ENOX1: variants seen among roughly 807,000 people sequenced by gnomAD.
ENOX1 encodes candidate growth-related and time keeping constitutive hydroquinone (NADH) oxidase.
In ENOX1, 42 loss-of-function variants were observed where a neutral mutation model predicts 82.5. The observed-to-expected ratio is 0.51, with a 90% CI of 0.40 to 0.66. The LOEUF (loss-of-function observed/expected upper bound fraction) is 0.66. Among genes scored for constraint, ENOX1 ranks in the 30% least tolerant of loss-of-function variants. The pLI, the probability that ENOX1 is intolerant of heterozygous loss-of-function variation, is 0.00. For synonymous variants in ENOX1, 271 were observed against 282.2 expected (o/e 0.96, Z 0.40); for missense variants, 608 against 811.6 (o/e 0.75, Z 3.05).
At chr13:43,766,085 G>T (rs995490869) in intron 1 of ENOX1, among the ~76,000 whole-genome samples, 1 of 152,042 alleles carries the variant, frequency 6.6e-6, no homozygotes, top group Non-Finnish European at 1.5e-5. Context: ...GCATTTTTCC[G>T]CTTGGACATG....
At chr13:43,715,832 A>T (rs1056055342) in intron 1 of ENOX1, among the ~76,000 whole-genome samples, 5 of 150,496 alleles carry the variant, frequency 3.3e-5, no homozygotes, top group Admixed American at 2.6e-4. Flanking sequence ...TCCTTTAAGG[A>T]CTTCTCTGCA....
At chr13:43,251,998 TG>T (rs2043485722) in intron 14 of ENOX1, among the ~76,000 whole-genome samples, 1 of 152,188 alleles carries the variant, frequency 6.6e-6, no homozygotes, top group Non-Finnish European at 1.5e-5. Flanking sequence ...ACACAGGTAC[TG>T]GGGCTTGATA....
At chr13:43,684,973 A>G (rs1335819006) in intron 1 of ENOX1, among the ~76,000 whole-genome samples, 2 of 152,194 alleles carry the variant, frequency 1.3e-5, no homozygotes, top group Non-Finnish European at 2.9e-5. Flanking sequence ...TAGTATTTAG[A>G]ATGTCTCTTT....
In ENOX1 at chr13:43,701,932, T is replaced by C. The variant is rs550010968; in HGVS notation, c.-284-34388A>G. On this transcript the variant is annotated intron_variant, in intron 1 of 16. Transcript: ENST00000690772. ...GGTGTAGTCCCTGTGTAGATTCTGA[T>C]AACCATCACTGTAATCAAGAAACAG... Among the ~76,000 whole-genome samples the C allele has an allele frequency of 8.5e-5, 13 of 152,254 alleles. No homozygotes were observed. In the East Asian group the frequency reaches 2.3e-3, roughly 27 times the overall value.
intron 5 of ENOX1, among the ~76,000 whole-genome samples, chr13:43,376,905 C>T (rs759262967): frequency 6.6e-6 from 1 of 152,194 alleles, no homozygotes; most frequent in Non-Finnish European, 1.5e-5. Flanking sequence ...CACCCCTCCA[C>T]ACCTTGCTTG....
chr13:43,335,260 C>T (rs2048631274), intron 9 of ENOX1, among the ~76,000 whole-genome samples: 1 of 152,166 alleles, frequency 6.6e-6, no homozygotes, highest in Admixed American at 6.5e-5. Context: ...CATGATTCTC[C>T]CCAGGTACAA....
At position 43,343,458 on chromosome 13, in the gene ENOX1, A is replaced by G. The variant is rs534789012; in HGVS notation, c.1036+1080T>C. On this transcript the variant is annotated intron_variant, in intron 9 of 16. Coordinates refer to ENST00000690772, the MANE Select transcript of ENOX1 (RefSeq NM_001347969.2). ...AGATTGGTCTTATACTGGATATTTG[A>G]TCACTTATCGGAATTTACATTTGGG... Among the ~76,000 whole-genome samples, 3 of 152,282 alleles carry G rather than the reference A, an allele frequency of 2.0e-5. No homozygotes were observed. In the East Asian group the frequency reaches 5.8e-4, roughly 29 times the overall value.
intron 11 of ENOX1, among the ~76,000 whole-genome samples, chr13:43,300,373 GAATA>G (rs1017892728): frequency 6.6e-6 from 1 of 152,046 alleles, no homozygotes; most frequent in African/African-American, 2.4e-5. Context: ...ATGAATAAAT[GAATA>G]AATAAATGAG....
chr13:43,381,742 G>A lies in ENOX1; in HGVS notation c.209-20290C>T, dbSNP rs554604142. ...AATATCAAGGCATATTACAAAAATT[G>A]TATGTCAATAAATTTAACAACTTGG... On this transcript the variant is annotated intron_variant, in intron 5 of 16. Transcript: ENST00000690772. 4.6e-5 allele frequency among the ~76,000 whole-genome samples: 7 copies of A among 151,940 alleles called. No individual in the cohort carries two copies. In the South Asian group the frequency reaches 6.2e-4, roughly 13 times the overall value.
chr13:43,214,629 G>A (rs1426695811), intron 16 of ENOX1, among the ~76,000 whole-genome samples: 1 of 152,156 alleles, frequency 6.6e-6, no homozygotes, highest in Admixed American at 6.5e-5. Flanking sequence ...TTTTGGAATG[G>A]AATCTAAACT....
intron 1 of ENOX1, among the ~76,000 whole-genome samples, chr13:43,688,429 G>A (rs1460133129): frequency 6.6e-6 from 1 of 152,132 alleles, no homozygotes; most frequent in East Asian, 1.9e-4. Context: ...TTGACCAGAT[G>A]AGAGGTTGGC....
chr13:43,256,530 C>T (rs922655697), intron 14 of ENOX1, among the ~76,000 whole-genome samples: 4 of 152,062 alleles, frequency 2.6e-5, no homozygotes, highest in African/African-American at 9.6e-5. Context: ...AGAGGACATA[C>T]AAATGGCCAA....
At chr13:43,558,326 T>G (rs1008950092) in intron 2 of ENOX1, among the ~76,000 whole-genome samples, 9 of 152,194 alleles carry the variant, frequency 5.9e-5, no homozygotes, top group African/African-American at 2.2e-4. Context: ...GTTGGAAGAA[T>G]TTTGCAGTCT....
At chr13:43,460,950 A>C (rs1455977019) in intron 3 of ENOX1, among the ~76,000 whole-genome samples, 3 of 151,708 alleles carry the variant, frequency 2.0e-5, no homozygotes, top group Non-Finnish European at 4.4e-5. Context: ...TATTAGAAAC[A>C]CTCTTCTTTC....
chr13:43,467,724 A>G (rs886545040), intron 3 of ENOX1, among the ~76,000 whole-genome samples: 1 of 152,096 alleles, frequency 6.6e-6, no homozygotes, highest in African/African-American at 2.4e-5. Context: ...CACTCAAGAA[A>G]CTATTGCCTA....
At chr13:43,548,412 G>C (rs147617454) in intron 2 of ENOX1, among the ~76,000 whole-genome samples, 30 of 152,200 alleles carry the variant, frequency 2.0e-4, no homozygotes, top group African/African-American at 7.2e-4. Flanking sequence ...TTCAGGTATG[G>C]GTAGAACTAG....
chr13:43,340,974 AT>A (rs1000234234), intron 9 of ENOX1, among the ~76,000 whole-genome samples: 1 of 152,150 alleles, frequency 6.6e-6, no homozygotes, highest in African/African-American at 2.4e-5. Flanking sequence ...ATCACTACTC[AT>A]TTGGATAAGT....
chr13:43,520,073 T>A (rs1176579520), intron 2 of ENOX1, among the ~76,000 whole-genome samples: 4 of 152,212 alleles, frequency 2.6e-5, no homozygotes, highest in Admixed American at 6.6e-5. Context: ...TCCCAGAACC[T>A]AGCAAAGTGC....
At chr13:43,361,956 C>G (rs1026794290) in intron 5 of ENOX1, among the ~76,000 whole-genome samples, 2 of 145,914 alleles carry the variant, frequency 1.4e-5, no homozygotes, top group Non-Finnish European at 3.0e-5. Flanking sequence ...TCAGGTCCCA[C>G]CTAACCTATT....
Sources: gnomAD v4.1 joint callset for allele counts (sites outside exome capture counted in the v4.1 genomes callset) on GRCh38, gnomAD v4.1.1 for gene constraint, MANE v1.5 for transcripts, NCBI Gene and HGNC (gene_info 2026-07-23, HGNC 2026-07-21) for gene names.